CFAP20DC: variants seen among roughly 807,000 people sequenced by gnomAD.
CFAP20DC encodes CFAP20 domain containing, also known as protein CFAP20DC.
In CFAP20DC, 84 loss-of-function variants were observed where a neutral mutation model predicts 101.7. That is an observed-to-expected ratio of 0.83 (90% confidence interval 0.69 to 0.99). The LOEUF is 0.99. CFAP20DC is among the 50% of genes least tolerant of loss of function. The pLI is 0.00. For synonymous variants in CFAP20DC, 359 were observed against 351.2 expected, an observed-to-expected ratio of 1.02 and a Z score of -0.25; for missense variants, 1,007 against 970.3, an observed-to-expected ratio of 1.04 and a Z score of -0.50.
Position 58,753,704 on chromosome 3 carries a change from G to A in CFAP20DC, c.2332+65C>T. On this transcript the variant is annotated intron_variant, in intron 16 of 16. Transcript: ENST00000482387. ...AAAAACAGTGGCATCTCAAAGTGAT[G>A]GATTCTCTCTATTTATAGTAAATTA... The A allele has an allele frequency of 1.9e-6, 2 of 1,069,838 alleles. 1 individual carries two copies. 66.3% of individuals were successfully genotyped at this position (1,069,838 alleles called of 1,614,324 possible). A position where few individuals can be genotyped will look rare whatever the true frequency, so the allele number is the denominator to read the frequency against.
intron 14 of CFAP20DC, among the ~76,000 whole-genome samples, chr3:58,809,396 A>G (rs372143186): frequency 6.6e-6 from 1 of 152,164 alleles, no homozygotes; most frequent in Non-Finnish European, 1.5e-5. Context: ...GGATTAAGAA[A>G]CTCACTTAAA....
chr3:58,849,324 T>A lies in CFAP20DC; in HGVS notation c.1679A>T (p.Lys560Met). 2.0e-6 allele frequency: 3 copies of A among 1,536,138 alleles called. No homozygotes were observed. The highest frequency in any genetic ancestry group is 2.6e-6 in the Non-Finnish European group (3 of 1,146,892). Residue 560 changes from lysine to methionine, a missense_variant, in exon 13 of 17, where the codon AAG (lysine) becomes ATG (methionine). By Grantham distance (95) the Lys-to-Met change is moderately conservative. Coordinates refer to ENST00000482387, the MANE Select transcript of CFAP20DC (RefSeq NM_001394063.1). ...TTCCTTACTTGTCCGCTTTGCAGCCTTCCCCAGCAGGCTCTCTAATGTTAA... is the reference window on the plus strand; with the variant it reads ...TTCCTTACTTGTCCGCTTTGCAGCCATCCCCAGCAGGCTCTCTAATGTTAA... Reference protein sequence around the residue: ...TQLTLESLLGKAAKRTSKEYL... With the variant: ...TQLTLESLLGMAAKRTSKEYL...
chr3:58,716,535 C>CA (rs1445611758), downstream of CFAP20DC, among the ~76,000 whole-genome samples: 2 of 152,114 alleles, frequency 1.3e-5, no homozygotes, highest in African/African-American at 4.8e-5. Context: ...GTGGCCTGTT[C>CA]AAGTATTCAG....
chr3:58,772,023 A>G (rs987116147), intron 15 of CFAP20DC, among the ~76,000 whole-genome samples: 1 of 152,142 alleles, frequency 6.6e-6, no homozygotes, highest in African/African-American at 2.4e-5. Flanking sequence ...AGTTTGACTC[A>G]TGGACCCCAG....
chr3:58,831,251 T>C (rs1299435475), intron 14 of CFAP20DC, among the ~76,000 whole-genome samples: 4 of 152,262 alleles, frequency 2.6e-5, no homozygotes, highest in Admixed American at 1.3e-4. Flanking sequence ...TGGTGACTTC[T>C]ACAGAAGGTT....
chr3:58,832,010 C>T (rs1446922239), intron 13 of CFAP20DC, 121 bp from the exon 14 acceptor site: 30 of 742,270 alleles, frequency 4.0e-5, no homozygotes. Context: ...AAATCCCTAA[C>T]ATGCCTCCAT....
At chr3:58,735,821 T>A (rs754385135) in intron 3 of CFAP20DC, among the ~76,000 whole-genome samples, 2 of 152,200 alleles carry the variant, frequency 1.3e-5, no homozygotes, top group Non-Finnish European at 2.9e-5. Flanking sequence ...CAAACAGTGA[T>A]GTCCCTTATA....
chr3:58,983,906 G>C (rs555308667), intron 4 of CFAP20DC, among the ~76,000 whole-genome samples: 2 of 152,160 alleles, frequency 1.3e-5, no homozygotes, highest in East Asian at 3.8e-4. Flanking sequence ...CAGGCAGTCT[G>C]GCCCTAGCAT....
intron 6 of CFAP20DC, among the ~76,000 whole-genome samples, chr3:58,903,328 G>A (rs1016795531): frequency 1.3e-5 from 2 of 152,038 alleles, no homozygotes; most frequent in African/African-American, 4.8e-5. Flanking sequence ...TTTTGTATAC[G>A]ATATGTGGTA....
intron 13 of CFAP20DC, among the ~76,000 whole-genome samples, 176 bp downstream of exon 13, chr3:58,848,856 A>C (rs1384126465): frequency 1.3e-5 from 2 of 152,212 alleles, no homozygotes; most frequent in East Asian, 3.8e-4. Flanking sequence ...TGGGATGTGC[A>C]GTAGACTCTT....
intron 15 of CFAP20DC, among the ~76,000 whole-genome samples, chr3:58,783,426 G>T (rs1470462314): frequency 6.6e-6 from 1 of 151,688 alleles, no homozygotes; most frequent in Non-Finnish European, 1.5e-5. Context: ...TAGATAAATA[G>T]GACTATATTA....
chr3:59,012,298 A>G (rs1337399253), intron 4 of CFAP20DC, among the ~76,000 whole-genome samples: 2 of 152,258 alleles, frequency 1.3e-5, no homozygotes, highest in African/African-American at 4.8e-5. Context: ...CAAGGATATG[A>G]AAGAATGACA....
intron 7 of CFAP20DC, among the ~76,000 whole-genome samples, chr3:58,881,876 A>G (rs2081255340): frequency 6.6e-6 from 1 of 152,184 alleles, no homozygotes; most frequent in Non-Finnish European, 1.5e-5. Flanking sequence ...CTTGGGCATT[A>G]TTCATTAGCT....
At chr3:58,966,713 C>CG (rs2091568836) in intron 4 of CFAP20DC, among the ~76,000 whole-genome samples, 1 of 151,602 alleles carries the variant, frequency 6.6e-6, no homozygotes, top group Non-Finnish European at 1.5e-5. Flanking sequence ...TTAGTAGAGA[C>CG]GGGGTTTCAG....
At chr3:59,040,839 C>T (rs557559229) in intron 3 of CFAP20DC, among the ~76,000 whole-genome samples, 7 of 152,082 alleles carry the variant, frequency 4.6e-5, no homozygotes, top group Admixed American at 1.3e-4. Flanking sequence ...TTTTATCAAA[C>T]ATACAGGGAT....
In CFAP20DC at chr3:58,930,987, A is replaced by T. The variant is rs546066804; in HGVS notation, c.393+6661T>A. Among the ~76,000 whole-genome samples, 59 of 152,350 alleles carry T rather than the reference A, an allele frequency of 3.9e-4. 1 individual carries two copies. Among genetic ancestry groups the T allele is most frequent in the Admixed American group, 1.9e-3 (29 of 15,310 alleles). ...CGAGGCATTGCCTCACTCGGGAAGCACAAGGGGTCAGGGAGTTCCCTTTCC... is the reference window on the plus strand; with the variant it reads ...CGAGGCATTGCCTCACTCGGGAAGCTCAAGGGGTCAGGGAGTTCCCTTTCC... On this transcript the variant is annotated intron_variant, in intron 5 of 16. Transcript: ENST00000482387.
chr3:58,848,181 G>T (rs1224596953), intron 13 of CFAP20DC, among the ~76,000 whole-genome samples: 2 of 142,592 alleles, frequency 1.4e-5, no homozygotes, highest in Non-Finnish European at 3.1e-5. Flanking sequence ...AAAAAAAAAG[G>T]GCTTGGTACA....
In CFAP20DC at chr3:58,955,236, C is replaced by T. The variant is rs184832481; in HGVS notation, c.279-17474G>A. The stretch of plus-strand genomic sequence containing the variant: ...AACAACTATACACAGAAAAAAACAC[C>T]TTCATAAGAACCAAAAAATTAGGTG... On this transcript the variant is annotated intron_variant, in intron 4 of 16. Transcript: ENST00000482387. Among the ~76,000 whole-genome samples the T allele has an allele frequency of 9.2e-5, 14 of 152,158 alleles. No homozygotes were observed. In the East Asian group the frequency reaches 1.9e-3, roughly 21 times the overall value.
chr3:58,943,124 G>A (rs1421277631), intron 4 of CFAP20DC, among the ~76,000 whole-genome samples: 1 of 152,196 alleles, frequency 6.6e-6, no homozygotes, highest in African/African-American at 2.4e-5. Flanking sequence ...GAGCACCTGG[G>A]GAAAGTGGTG....
Sources: gnomAD v4.1 joint callset for allele counts (sites outside exome capture counted in the v4.1 genomes callset) on GRCh38, gnomAD v4.1.1 for gene constraint, MANE v1.5 for transcripts, NCBI Gene and HGNC (gene_info 2026-07-23, HGNC 2026-07-21) for gene names.